Variants in CNTN5 observed in about 807,000 individuals in gnomAD.
CNTN5 encodes contactin 5, also known as contactin-5.
CNTN5 carries 77 observed loss-of-function variants against 129.1 expected under a neutral mutation model. That is an observed-to-expected ratio of 0.60 (90% CI 0.50 to 0.72). The LOEUF (loss-of-function observed/expected upper bound fraction) is 0.72, where lower values mean the gene tolerates loss of function less well. CNTN5 is among the 30% of genes least tolerant of loss of function. CNTN5 has a pLI of 0.00. For missense variants in CNTN5, 1,478 were observed against 1,328.8 expected, an observed-to-expected ratio of 1.11 and a Z score of -1.75; for synonymous variants, 509 against 465.6, an observed-to-expected ratio of 1.09 and a Z score of -1.20.
At chr11:100,267,921 G>T (rs1440507318) in intron 17 of CNTN5, among the ~76,000 whole-genome samples, 1 of 152,128 alleles carries the variant, frequency 6.6e-6, no homozygotes, top group African/African-American at 2.4e-5. Context: ...ACAGAAGCTT[G>T]GTGACGCAGG....
intron 3 of CNTN5, among the ~76,000 whole-genome samples, chr11:99,690,061 G>T (rs1169117929): frequency 6.6e-6 from 1 of 152,118 alleles, no homozygotes; most frequent in African/African-American, 2.4e-5. Context: ...TATAGTTTTG[G>T]GTTTTACATC....
rs145942748 is a variant in CNTN5 at position 99,386,581 on chromosome 11, C to A, written c.-71+61097C>A. On this transcript the variant is annotated intron_variant, in intron 2 of 24. Coordinates refer to ENST00000524871, the MANE Select transcript of CNTN5 (RefSeq NM_014361.4). ...GTTTTAGCCGGCTTCTTTAATGCAA[C>A]CTGTTTTATCAACAAGGTCTTTATG... 6.3e-3 allele frequency among the ~76,000 whole-genome samples: 955 copies of A among 152,218 alleles called. 8 individuals carry two copies. The highest frequency in any genetic ancestry group is 0.011 in the Non-Finnish European group (732 of 68,010).
intron 2 of CNTN5, among the ~76,000 whole-genome samples, chr11:99,428,503 T>C (rs1465335554): frequency 7.0e-6 from 1 of 143,014 alleles, no homozygotes; most frequent in Non-Finnish European, 1.5e-5. Flanking sequence ...GAGGCTTTGG[T>C]GAGCCAAGAT....
intron 7 of CNTN5, among the ~76,000 whole-genome samples, chr11:99,934,898 G>GTGTA (rs1565693917): frequency 1.5e-5 from 1 of 67,954 alleles, no homozygotes; most frequent in African/African-American, 1.0e-4. Context: ...GTGTGTGTGT[G>GTGTA]TATATATATA....
chr11:99,119,469 C>A (rs1294231022), intron 1 of CNTN5, among the ~76,000 whole-genome samples: 12 of 152,126 alleles, frequency 7.9e-5, no homozygotes, highest in African/African-American at 1.2e-4. Context: ...AGGACATGAT[C>A]TCATTCTTGT....
At chr11:99,858,125 T>C (rs1179954889) in intron 6 of CNTN5, among the ~76,000 whole-genome samples, 1 of 152,154 alleles carries the variant, frequency 6.6e-6, no homozygotes, top group African/African-American at 2.4e-5. Flanking sequence ...TGAAAGTGTT[T>C]ATGTCACGCC....
intron 1 of CNTN5, among the ~76,000 whole-genome samples, chr11:99,198,438 C>T (rs1412892177): frequency 6.6e-6 from 1 of 151,978 alleles, no homozygotes; most frequent in African/African-American, 2.4e-5. Flanking sequence ...TTAGATGGGG[C>T]CAAAGTTCCA....
chr11:100,106,187 A>C (rs1275259150), intron 13 of CNTN5, among the ~76,000 whole-genome samples: 1 of 152,178 alleles, frequency 6.6e-6, no homozygotes, highest in Non-Finnish European at 1.5e-5. Flanking sequence ...TGGGAGTTTA[A>C]ATAGACCACA....
chr11:99,565,811 A>C (rs1293276812), intron 3 of CNTN5, among the ~76,000 whole-genome samples: 1 of 152,106 alleles, frequency 6.6e-6, no homozygotes, highest in Non-Finnish European at 1.5e-5. Context: ...TTCTTCTGTT[A>C]ATCTTTCCAT....
chr11:99,757,612 A>G (rs1944445049), intron 3 of CNTN5, among the ~76,000 whole-genome samples: 2 of 152,202 alleles, frequency 1.3e-5, no homozygotes, highest in South Asian at 2.1e-4. Context: ...TTATATCTAC[A>G]GAGACCCTAT....
At chr11:99,326,201 A>G (rs1337241672) in intron 2 of CNTN5, among the ~76,000 whole-genome samples, 3 of 152,242 alleles carry the variant, frequency 2.0e-5, no homozygotes, top group African/African-American at 7.2e-5. Flanking sequence ...CCAGTAGACG[A>G]TCTTGAATTA....
intron 1 of CNTN5, among the ~76,000 whole-genome samples, chr11:99,103,777 A>C (rs888406091): frequency 6.6e-6 from 1 of 152,016 alleles, no homozygotes; most frequent in Non-Finnish European, 1.5e-5. Context: ...AAAAAAAAAA[A>C]AGATGTAGAT....
intron 3 of CNTN5, among the ~76,000 whole-genome samples, chr11:99,706,023 ATATT>A (rs1565445440): frequency 2.6e-5 from 4 of 151,558 alleles, no homozygotes; most frequent in African/African-American, 9.7e-5. Flanking sequence ...TTAAAAATAT[ATATT>A]AATCATTTGT....
chr11:99,836,872 A>T (rs561953184), intron 4 of CNTN5, among the ~76,000 whole-genome samples: 1 of 151,942 alleles, frequency 6.6e-6, no homozygotes, highest in South Asian at 2.1e-4. Context: ...GTGGTTCATG[A>T]CTCTCCTTTT....
chr11:99,096,715 C>T (rs1028537405), intron 1 of CNTN5, among the ~76,000 whole-genome samples: 5 of 151,620 alleles, frequency 3.3e-5, no homozygotes, highest in African/African-American at 1.2e-4. Flanking sequence ...CTTTCTTTTG[C>T]ACAAAAGCAT....
At chr11:100,035,927 C>A (rs770590) in intron 9 of CNTN5, among the ~76,000 whole-genome samples, 18,264 of 152,094 alleles carry the variant, frequency 0.12, 1,329 homozygotes, top group Middle Eastern at 0.27. Context: ...TGCCTGTTCA[C>A]TCTGATGGTA....
At chr11:99,100,557 T>C (rs571698435) in intron 1 of CNTN5, among the ~76,000 whole-genome samples, 1 of 152,250 alleles carries the variant, frequency 6.6e-6, no homozygotes, top group Admixed American at 6.5e-5. Context: ...ACATTATTAC[T>C]TGTAATTAGT....
chr11:100,056,047 A>T (rs1591147073), intron 9 of CNTN5, among the ~76,000 whole-genome samples: 2 of 151,736 alleles, frequency 1.3e-5, no homozygotes, highest in East Asian at 3.9e-4. Flanking sequence ...ATTCTCTTCA[A>T]CTATGTCTAA....
chr11:99,873,592 G>A (rs954671390), intron 6 of CNTN5, among the ~76,000 whole-genome samples: 2 of 151,986 alleles, frequency 1.3e-5, no homozygotes, highest in East Asian at 1.9e-4. Context: ...CAGAAAAAAC[G>A]GAACACTCAT....
Sources: allele counts gnomAD v4.1 joint callset (sites outside exome capture counted in the v4.1 genomes callset), GRCh38; gene constraint gnomAD v4.1.1; transcripts MANE v1.5; gene names NCBI Gene and HGNC (gene_info 2026-07-23, HGNC 2026-07-21).